Variants in GRIK3 observed in about 807,000 individuals in gnomAD.
GRIK3 encodes the protein glutamate ionotropic receptor kainate type subunit 3.
In GRIK3, 29 loss-of-function variants were observed where a neutral mutation model predicts 102.5. The ratio of observed to expected loss-of-function variants is 0.28; its 90% CI spans 0.21 to 0.39. The LOEUF is 0.39. GRIK3 is among the 10% of genes least tolerant of loss of function. GRIK3 has a pLI of 1.00. For missense variants in GRIK3, 908 were observed against 1,252.4 expected (o/e 0.73, Z 4.15); for synonymous variants, 511 against 504.9 (o/e 1.01, Z -0.16).
intron 10 of GRIK3, among the ~76,000 whole-genome samples, chr1:36,834,425 G>A (rs926313039): frequency 6.6e-5 from 10 of 152,108 alleles, no homozygotes; most frequent in Non-Finnish European, 1.5e-4. Context: ...TGTGGCCATC[G>A]ATAACCTTGG....
intron 1 of GRIK3, among the ~76,000 whole-genome samples, chr1:37,003,725 AG>A (rs1472218157): frequency 6.6e-6 from 1 of 152,182 alleles, no homozygotes; most frequent in Non-Finnish European, 1.5e-5. Context: ...TCCCCAAGAC[AG>A]CCCCTTGGGT....
At chr1:37,008,783 T>C (rs116947225) in intron 1 of GRIK3, among the ~76,000 whole-genome samples, 1,578 of 152,308 alleles carry the variant, frequency 0.01, 13 homozygotes, top group Admixed American at 0.018. Context: ...AATTCTGACA[T>C]ACTGATTTCT....
intron 1 of GRIK3, among the ~76,000 whole-genome samples, chr1:36,953,297 G>A (rs961942847): frequency 6.6e-6 from 1 of 152,176 alleles, no homozygotes; most frequent in Non-Finnish European, 1.5e-5. Context: ...AGAGGACCTG[G>A]CCTGGCACAG....
intron 13 of GRIK3, among the ~76,000 whole-genome samples, chr1:36,808,476 T>G (rs2124180243): frequency 6.6e-6 from 1 of 152,374 alleles, no homozygotes; most frequent in South Asian, 2.1e-4. Flanking sequence ...TGATGGAAGC[T>G]GGCTGTCATG....
intron 1 of GRIK3, among the ~76,000 whole-genome samples, chr1:36,951,589 G>A (rs1641844662): frequency 6.6e-6 from 1 of 152,240 alleles, no homozygotes; most frequent in Non-Finnish European, 1.5e-5. Flanking sequence ...CCACGGCTGA[G>A]GCCCTGCATT....
intron 1 of GRIK3, among the ~76,000 whole-genome samples, chr1:36,962,102 G>A (rs181639720): frequency 1.2e-3 from 189 of 152,290 alleles, no homozygotes; most frequent in African/African-American, 4.4e-3. Flanking sequence ...TGCTGGCCAG[G>A]CGGGGCAGGA....
intron 10 of GRIK3, 146 bp downstream of exon 10, chr1:36,841,590 C>T: frequency 2.9e-6 from 2 of 692,054 alleles, no homozygotes; most frequent in Non-Finnish European, 5.0e-6. Flanking sequence ...CTGAGGCCCC[C>T]CAGTCCTCAA....
chr1:36,976,678 AC>A (rs1642199617), intron 1 of GRIK3, among the ~76,000 whole-genome samples: 1 of 151,652 alleles, frequency 6.6e-6, no homozygotes, highest in South Asian at 2.1e-4. Flanking sequence ...GCTGATCTTT[AC>A]CCCCTCCCCA....
chr1:36,936,071 CA>C (rs1385442274), intron 1 of GRIK3, among the ~76,000 whole-genome samples: 2 of 152,134 alleles, frequency 1.3e-5, no homozygotes, highest in African/African-American at 4.8e-5. Flanking sequence ...ATTTTGGCCA[CA>C]GGGGGAGATA....
At chr1:36,833,553 C>A (rs1403766896) in intron 10 of GRIK3, among the ~76,000 whole-genome samples, 3 of 152,236 alleles carry the variant, frequency 2.0e-5, no homozygotes, top group Non-Finnish European at 2.9e-5. Context: ...CTCCAAAGAG[C>A]CCTGCTCCAG....
chr1:36,804,204 C>T (rs918768407), intron 15 of GRIK3, among the ~76,000 whole-genome samples: 5 of 151,922 alleles, frequency 3.3e-5, no homozygotes, highest in African/African-American at 1.2e-4. Context: ...TATAATGGGC[C>T]CTTCTATATA....
chr1:37,030,541 C>CCA (rs1642814620), intron 1 of GRIK3, among the ~76,000 whole-genome samples: 2 of 110,820 alleles, frequency 1.8e-5, no homozygotes, highest in African/African-American at 9.3e-5. Context: ...CCCCACCCCC[C>CCA]ACCCCCTCCC....
chr1:36,879,913 G>A (rs978479111), intron 3 of GRIK3, among the ~76,000 whole-genome samples: 5 of 152,146 alleles, frequency 3.3e-5, no homozygotes, highest in East Asian at 1.9e-4. Flanking sequence ...TGGGGTCAGC[G>A]GTCAAGTGGG....
chr1:36,813,953 A>T (rs534627389), intron 13 of GRIK3, among the ~76,000 whole-genome samples: 7 of 152,328 alleles, frequency 4.6e-5, no homozygotes, highest in African/African-American at 1.7e-4. Flanking sequence ...CCATAGGGAC[A>T]GGAAGAAAGT....
chr1:36,908,994 C>T (rs1167383251), intron 1 of GRIK3, among the ~76,000 whole-genome samples: 2 of 152,180 alleles, frequency 1.3e-5, no homozygotes, highest in Non-Finnish European at 2.9e-5. Context: ...CCACTCACTA[C>T]ATTTAACACT....
chr1:37,012,208 A>G (rs898144945), intron 1 of GRIK3, among the ~76,000 whole-genome samples: 1 of 152,254 alleles, frequency 6.6e-6, no homozygotes, highest in East Asian at 1.9e-4. Context: ...TAATTTATTG[A>G]TCAATACAGC....
chr1:36,992,703 G>A (rs144646898), intron 1 of GRIK3, among the ~76,000 whole-genome samples: 3 of 152,334 alleles, frequency 2.0e-5, no homozygotes, highest in East Asian at 1.9e-4. Context: ...ATCGTCATGA[G>A]CAAGAATCAG....
At chr1:36,810,389 G>A (rs983024006) in intron 13 of GRIK3, among the ~76,000 whole-genome samples, 1 of 152,178 alleles carries the variant, frequency 6.6e-6, no homozygotes, top group Non-Finnish European at 1.5e-5. Flanking sequence ...GAATCATCTG[G>A]AACAACCAAT....
chr1:36,801,723 T>C lies in GRIK3; in HGVS notation c.*128A>G, dbSNP rs1356988143. On this transcript the variant is annotated 3_prime_UTR_variant, in exon 16 of 16. Coordinates refer to ENST00000373091, the MANE Select transcript of GRIK3 (RefSeq NM_000831.4). Reference sequence around the variant, plus strand: ...TTCCTGGCAGGTAAGGGCAGGAGGCTCCTGGCCCAACAGGCAGGTGGCAGC... The same window carrying C: ...TTCCTGGCAGGTAAGGGCAGGAGGCCCCTGGCCCAACAGGCAGGTGGCAGC... The C allele has an allele frequency of 2.7e-6, 2 of 729,220 alleles. No homozygotes were observed. Among genetic ancestry groups the C allele is most frequent in the Admixed American group, 3.5e-5 (1 of 28,970 alleles). 45.2% of individuals were successfully genotyped at this position (729,220 alleles called of 1,614,324 possible).
Sources: allele counts gnomAD v4.1 joint callset (sites outside exome capture counted in the v4.1 genomes callset), GRCh38; gene constraint gnomAD v4.1.1; transcripts MANE v1.5; gene names NCBI Gene and HGNC (gene_info 2026-07-23, HGNC 2026-07-21).